The following FAM117B variants were observed in gnomAD, a reference collection of about 807,000 sequenced individuals.
FAM117B encodes protein FAM117B.
In FAM117B, 22 loss-of-function variants were observed where a neutral mutation model predicts 52.8. The ratio of observed to expected loss-of-function variants is 0.42; its 90% confidence interval spans 0.30 to 0.59. The LOEUF (loss-of-function observed/expected upper bound fraction) is 0.59. Among genes scored for constraint, FAM117B ranks in the 20% least tolerant of loss-of-function variants. The probability of loss-of-function intolerance (pLI) is 0.22; values close to 1 mark genes in which losing one functional copy is unlikely to be tolerated. For synonymous variants in FAM117B, 309 were observed against 324.1 expected (o/e 0.95, Z 0.50); for missense variants, 678 against 802.6 (o/e 0.84, Z 1.88).
At chr2:202,742,358 C>T (rs549191810) in intron 4 of FAM117B, among the ~76,000 whole-genome samples, 4 of 152,142 alleles carry the variant, frequency 2.6e-5, no homozygotes, top group Non-Finnish European at 5.9e-5. Flanking sequence ...ACAAACTGAT[C>T]AGAGGAATGA....
At chr2:202,737,989 A>G (rs529291989) in intron 4 of FAM117B, among the ~76,000 whole-genome samples, 10 of 152,178 alleles carry the variant, frequency 6.6e-5, no homozygotes, top group Non-Finnish European at 1.5e-4. Context: ...GTTGAAGGAC[A>G]TCTCATCTTG....
chr2:202,669,792 A>G (rs1411383798), intron 1 of FAM117B, among the ~76,000 whole-genome samples: 1 of 152,134 alleles, frequency 6.6e-6, no homozygotes, highest in African/African-American at 2.4e-5. Context: ...TAAAGCACTA[A>G]TTTGCTTTAT....
chr2:202,691,446 TA>T (rs1279783905), intron 1 of FAM117B, among the ~76,000 whole-genome samples: 2 of 151,808 alleles, frequency 1.3e-5, no homozygotes, highest in African/African-American at 4.8e-5. Context: ...AATAATCCAA[TA>T]ATTTTAATAA....
rs371202465 is a variant in FAM117B, at chr2:202,768,899, A to G, written c.*3135A>G. Reference sequence around the variant, plus strand: ...CAATCTTAGGTTTTTTTAAATCTTTAAACAATTTCTTCTTTGTGATGATAA... The same window carrying G: ...CAATCTTAGGTTTTTTTAAATCTTTGAACAATTTCTTCTTTGTGATGATAA... On this transcript the variant is annotated 3_prime_UTR_variant, in exon 8 of 8. Transcript: ENST00000392238. 7.2e-5 allele frequency: 11 copies of G among 152,216 alleles called. 1 individual carries two copies. In the East Asian group the frequency reaches 1.7e-3, roughly 24 times the overall value. The allele number at this position is 152,216 out of a possible 1,614,324, so 9.4% of individuals were successfully genotyped here. A position where few individuals can be genotyped will look rare whatever the true frequency, so the allele number is the denominator to read the frequency against.
rs1207436126 is a variant in FAM117B, at chr2:202,769,507, G to A, written c.*3743G>A. ...GCAGAGCAGCCCTGAACAGCATTTTGTTTATACAGTCTTGTTTAAGAATAG... is the reference window on the plus strand; with the variant it reads ...GCAGAGCAGCCCTGAACAGCATTTTATTTATACAGTCTTGTTTAAGAATAG... On this transcript the variant is annotated 3_prime_UTR_variant, in exon 8 of 8. Transcript: ENST00000392238. 6.6e-6 allele frequency: 1 copy of A among 152,348 alleles called. No individual in the cohort carries two copies. Among genetic ancestry groups the A allele is most frequent in the African/African-American group, 2.4e-5 (1 of 41,340 alleles). The allele number at this position is 152,348 out of a possible 1,614,324, so 9.4% of individuals were successfully genotyped here.
chr2:202,635,651 C>T lies in FAM117B; in HGVS notation c.464C>T (p.Ser155Leu). The T allele has an allele frequency of 7.4e-7, 1 of 1,348,698 alleles. No homozygotes were observed. Among genetic ancestry groups the T allele is most frequent in the Non-Finnish European group, 9.5e-7 (1 of 1,052,822 alleles). 83.5% of individuals were successfully genotyped at this position (1,348,698 alleles called of 1,614,324 possible). The stretch of plus-strand genomic sequence containing the variant: ...CTGGGCACCGTGTCGTCGCCCAGCT[C>T]GTCGCCCACCCACCTGTGGACCGGC... ...PLLGTVSSPS[S>L]SPTHLWTGEV... The change falls in exon 1 of 8, where the codon TCG becomes TTG. Residue 155 changes from serine to leucine, a missense_variant. Physicochemically the swap from Ser to Leu is moderately radical, Grantham distance 145. Around this residue, in one of 3 missense-constraint regions of FAM117B, gnomAD observed 583 missense variants for 644.8 expected, o/e 0.90. Transcript: ENST00000392238.
intron 4 of FAM117B, among the ~76,000 whole-genome samples, chr2:202,752,700 A>T (rs1490972976): frequency 6.6e-6 from 1 of 152,164 alleles, no homozygotes; most frequent in Non-Finnish European, 1.5e-5. Context: ...AATCTGCAAG[A>T]TGTTTATCTG....
chr2:202,703,359 A>G (rs10180051), intron 2 of FAM117B, among the ~76,000 whole-genome samples: 12,265 of 152,148 alleles, frequency 0.081, 1,659 homozygotes, highest in African/African-American at 0.28. Flanking sequence ...ACTTAATTCC[A>G]TCCTTACTTC....
rs760350219 is a variant in FAM117B at position 202,634,994 on chromosome 2, A to AGCAGCGGCGGCGGCGGCAGCG, written c.-192_-191insAGCGGCGGCGGCGGCAGCGGC. 2.7e-5 allele frequency among the ~76,000 whole-genome samples: 4 copies of AGCAGCGGCGGCGGCGGCAGCG among 147,534 alleles called. No individual in the cohort carries two copies. The highest frequency in any genetic ancestry group is 1.0e-4 in the African/African-American group (4 of 39,600). On this transcript the variant is annotated 5_prime_UTR_variant, in exon 1 of 8. Coordinates refer to ENST00000392238, the MANE Select transcript of FAM117B (RefSeq NM_173511.4). ...AGAGGAGACACTATTGTTGATGAGG[A>AGCAGCGGCGGCGGCGGCAGCG]GCGGCGGCGGCGGCGGCGGCGGCTG...
intron 1 of FAM117B, among the ~76,000 whole-genome samples, chr2:202,670,819 C>A (rs181994443): frequency 1.3e-5 from 2 of 152,336 alleles, no homozygotes; most frequent in African/African-American, 4.8e-5. Context: ...CATGTACTCA[C>A]CCTGTTAGGG....
intron 4 of FAM117B, among the ~76,000 whole-genome samples, chr2:202,732,911 C>T (rs1012014332): frequency 1.1e-4 from 17 of 148,116 alleles, no homozygotes; most frequent in African/African-American, 2.7e-4. Context: ...ACATAACATA[C>T]GATTCCATTC....
intron 1 of FAM117B, among the ~76,000 whole-genome samples, chr2:202,650,730 A>C (rs964766790): frequency 5.3e-5 from 8 of 152,206 alleles, no homozygotes; most frequent in Non-Finnish European, 1.2e-4. Context: ...CAAAAGCTGA[A>C]GAAACTGGAG....
chr2:202,645,006 T>G (rs1317257776), intron 1 of FAM117B, among the ~76,000 whole-genome samples: 2 of 152,220 alleles, frequency 1.3e-5, no homozygotes, highest in African/African-American at 2.4e-5. Context: ...TATCTTTGTT[T>G]TTTGTCTTTT....
intron 4 of FAM117B, among the ~76,000 whole-genome samples, chr2:202,753,330 A>G (rs762476012): frequency 1.3e-5 from 2 of 152,210 alleles, no homozygotes; most frequent in Non-Finnish European, 2.9e-5. Context: ...AGAAAACTGA[A>G]ACTGGACCTC....
At chr2:202,702,798 C>G (rs918413977) in intron 2 of FAM117B, among the ~76,000 whole-genome samples, 1 of 152,190 alleles carries the variant, frequency 6.6e-6, no homozygotes, top group Admixed American at 6.5e-5. Context: ...CGTGATCCAT[C>G]TGCCTCGGCC....
At chr2:202,715,120 C>T (rs1020626599) in intron 2 of FAM117B, among the ~76,000 whole-genome samples, 10 of 151,392 alleles carry the variant, frequency 6.6e-5, no homozygotes, top group South Asian at 6.3e-4. Flanking sequence ...CGGGCAGAGG[C>T]GCCCCCCACC....
intron 1 of FAM117B, among the ~76,000 whole-genome samples, chr2:202,677,327 A>C (rs764852833): frequency 1.3e-5 from 2 of 152,086 alleles, no homozygotes; most frequent in Non-Finnish European, 2.9e-5. Flanking sequence ...CGGCCTCCCA[A>C]AGTGCTGGGA....
chr2:202,684,125 C>T (rs961144975), intron 1 of FAM117B, among the ~76,000 whole-genome samples: 23 of 152,128 alleles, frequency 1.5e-4, no homozygotes, highest in Non-Finnish European at 4.4e-5. Flanking sequence ...CCTCAGCCTC[C>T]CAAAGTGCTG....
At chr2:202,663,441 G>GT (rs1690160207) in intron 1 of FAM117B, among the ~76,000 whole-genome samples, 1 of 152,074 alleles carries the variant, frequency 6.6e-6, no homozygotes, top group African/African-American at 2.4e-5. Flanking sequence ...TGAAAAGCGT[G>GT]TATCTTTTTA....
Sources: gnomAD v4.1 joint callset for allele counts (sites outside exome capture counted in the v4.1 genomes callset) on GRCh38, gnomAD v4.1.1 for gene constraint, gnomAD v4.1.1 regional missense constraint, MANE v1.5 for transcripts, NCBI Gene and HGNC (gene_info 2026-07-23, HGNC 2026-07-21) for gene names.